The following INTS1 variants were observed in gnomAD, a reference collection of about 807,000 sequenced individuals.
INTS1 encodes the protein integrator complex subunit 1.
INTS1 carries 137 observed loss-of-function variants against 241.6 expected under a neutral mutation model. The observed-to-expected ratio is 0.57, with a 90% CI of 0.49 to 0.65. INTS1 has a LOEUF of 0.65. INTS1 is among the 30% of genes least tolerant of loss of function. The pLI is 0.00. For missense variants in INTS1, 3,073 were observed against 3,032.2 expected, an observed-to-expected ratio of 1.01 and a Z score of -0.32; for synonymous variants, 1,692 against 1,337.8, an observed-to-expected ratio of 1.26 and a Z score of -5.78.
chr7:1,495,739 G>A (rs1395585201), intron 12 of INTS1, among the ~76,000 whole-genome samples, 186 bp from the exon 13 acceptor site: 1 of 152,152 alleles, frequency 6.6e-6, no homozygotes, highest in Non-Finnish European at 1.5e-5. Context: ...GCGTGCGTGG[G>A]TGACTGGAAT....
In INTS1 at chr7:1,496,222, T is replaced by C. The variant is rs1030646527; in HGVS notation, c.1645A>G (p.Met549Val). Residue 549 changes from methionine to valine, a missense_variant, in exon 12 of 48, where the codon ATG becomes GTG. By Grantham distance (21) the Met-to-Val change is conservative. Coordinates refer to ENST00000404767, the MANE Select transcript of INTS1 (RefSeq NM_001080453.3). ...VHITDVLAVS[M>V]MLGITAQVKE... is the part of the protein sequence containing the mutation. ...ACCTGCGCTGTGATGCCCAGCATCA[T>C]GGACACGGCCAGGACGTCGGTGATG... The C allele has an allele frequency of 5.6e-6, 9 of 1,613,866 alleles. No homozygotes were observed. The highest frequency in any genetic ancestry group is 2.2e-5 in the East Asian group (1 of 44,868).
At chr7:1,483,437 G>A (rs1782091800) in intron 26 of INTS1, 1 of 475,896 alleles carries the variant, frequency 2.1e-6, no homozygotes, top group South Asian at 2.1e-5. Context: ...AGGCACCGCA[G>A]GCCTACACGG....
At chr7:1,483,623 G>C (rs1782100946) in intron 26 of INTS1, 119 bp downstream of exon 26, 1 of 770,398 alleles carries the variant, frequency 1.3e-6, no homozygotes, top group African/African-American at 1.7e-5. Context: ...ACACAGGGTT[G>C]AAGGGCTGGG....
At position 1,484,043 on chromosome 7, in the gene INTS1, C is replaced by T. The variant is rs750200152; in HGVS notation, c.3389G>A (p.Arg1130His). 34 of 1,611,572 alleles carry T rather than the reference C, an allele frequency of 2.1e-5. No individual in the cohort carries two copies. Among genetic ancestry groups the T allele is most frequent in the Non-Finnish European group, 2.5e-5 (30 of 1,179,370 alleles). ...CTCGCCCTCCTTGCTCTGCCGCATG[C>T]GCCTCACGTAGCGTGAGAAGATGGA... is the stretch of plus-strand genomic sequence containing the variant. Reference protein sequence around the residue: ...LLSIFSRYVRRMRQSKEGEEV... With the variant: ...LLSIFSRYVRHMRQSKEGEEV... Residue 1130 changes from arginine (R) to histidine (H), a missense_variant, in exon 25 of 48, where the codon CGC becomes CAC. Coordinates refer to ENST00000404767, the MANE Select transcript of INTS1 (RefSeq NM_001080453.3).
chr7:1,484,466 G>A (rs560442952), intron 24 of INTS1, among the ~76,000 whole-genome samples: 28 of 152,322 alleles, frequency 1.8e-4, no homozygotes, highest in African/African-American at 6.0e-4. Flanking sequence ...ATTCCCTGAG[G>A]ACTCGGGCCA....
Position 1,481,426 on chromosome 7 carries a change from A to G in INTS1, c.3766T>C (p.Ser1256Pro). 6.2e-7 allele frequency: 1 copy of G among 1,612,794 alleles called. No individual in the cohort carries two copies. The highest frequency in any genetic ancestry group is 8.5e-7 in the Non-Finnish European group (1 of 1,179,690). The part of the protein sequence containing the change: ...LFVQSFGIPV[S>P]SMSKLLQFLD... ...AACTGGAGGAGTTTGCTCATGCTGG[A>G]CACGGGGATGCCAAACGACTGCACG... is the stretch of plus-strand genomic sequence containing the variant. The change falls in exon 28 of 48, where the codon TCC (serine) becomes CCC (proline). Residue 1256 changes from serine (S) to proline (P), a missense_variant. Transcript: ENST00000404767. The surrounding 1 kb of genome is among the most constrained non-coding windows in gnomAD (Gnocchi z 6.8).
At chr7:1,492,604 G>A (rs1282766801) in intron 16 of INTS1, among the ~76,000 whole-genome samples, 1 of 140,886 alleles carries the variant, frequency 7.1e-6, no homozygotes, top group Admixed American at 7.0e-5. Context: ...ATAAAGCCGT[G>A]AATATATAGA....
rs6969405 is a variant in INTS1, at chr7:1,493,398, G to C, written c.2069-292C>G. Among the ~76,000 whole-genome samples, 1 of 152,100 alleles carries C rather than the reference G, an allele frequency of 6.6e-6. No individual in the cohort carries two copies. Among genetic ancestry groups the C allele is most frequent in the African/African-American group, 2.4e-5 (1 of 41,382 alleles). On this transcript the variant is annotated intron_variant, in intron 15 of 47. Transcript: ENST00000404767. This position sits in a 1 kb window ranked among gnomAD's most constrained non-coding sequence, Gnocchi z 5.3. ...GCAGGGTGGGGACCCGCAAGCCCTC[G>C]GGGCAGAGCCACGGACGAGGCGCGA...
rs1336987439 is a variant in INTS1 at position 1,497,974 on chromosome 7, G to A, written c.1425+438C>T. Among the ~76,000 whole-genome samples the A allele has an allele frequency of 6.6e-6, 1 of 152,260 alleles. No individual in the cohort carries two copies. Among genetic ancestry groups the A allele is most frequent in the Non-Finnish European group, 1.5e-5 (1 of 68,040 alleles). On this transcript the variant is annotated intron_variant, in intron 10 of 47. Coordinates refer to ENST00000404767, the MANE Select transcript of INTS1 (RefSeq NM_001080453.3). The surrounding 1 kb of genome is among the most constrained non-coding windows in gnomAD (Gnocchi z 5.3). Reference sequence around the variant, plus strand: ...CATGCCTGTCATCCCAGCACTTTGGGAGGTTGAGGCAGGAGGATCGCTTGA... The same window carrying A: ...CATGCCTGTCATCCCAGCACTTTGGAAGGTTGAGGCAGGAGGATCGCTTGA...
At chr7:1,471,267 G>GC (rs749925193) in intron 45 of INTS1, 43 bp from the exon 46 acceptor site, 2 of 1,533,498 alleles carry the variant, frequency 1.3e-6, no homozygotes, top group African/African-American at 2.7e-5. Context: ...AAGGGGTCCA[G>GC]CCCCCATCAA....
intron 29 of INTS1, 145 bp downstream of exon 29, chr7:1,480,690 G>T (rs914786369): frequency 1.9e-5 from 14 of 751,712 alleles, no homozygotes; most frequent in Non-Finnish European, 2.8e-5. Context: ...AGTTTCTGTG[G>T]GGGCCCCTCT....
chr7:1,483,473 A>T (rs955371751), intron 26 of INTS1: 9 of 536,552 alleles, frequency 1.7e-5, no homozygotes, highest in Non-Finnish European at 3.1e-5. Context: ...GAGGACTCTG[A>T]CCCCAGGCTG....
intron 16 of INTS1, among the ~76,000 whole-genome samples, chr7:1,491,086 A>T (rs1782525762): frequency 6.6e-6 from 1 of 152,240 alleles, no homozygotes; most frequent in Non-Finnish European, 1.5e-5. Context: ...CAAGTGGATG[A>T]CAGACTCCGG....
At chr7:1,498,943 G>GGGCCCCCCCCCCCCCC in intron 8 of INTS1, 32 bp downstream of exon 8, 12 of 1,070,720 alleles carry the variant, frequency 1.1e-5, no homozygotes, top group Non-Finnish European at 1.4e-5. Flanking sequence ...CCCACCCCCT[G>GGGCCCCCCCCCCCCCC]CCCCGCCCAC....
intron 3 of INTS1, chr7:1,501,159 C>A (rs1264303082): frequency 6.6e-6 from 1 of 152,008 alleles, no homozygotes; most frequent in Non-Finnish European, 1.5e-5. Flanking sequence ...GTGGTGCATG[C>A]CTGTAATCCC....
At chr7:1,472,767 C>A (rs1781530066) in intron 43 of INTS1, among the ~76,000 whole-genome samples, 1 of 136,816 alleles carries the variant, frequency 7.3e-6, no homozygotes, top group Non-Finnish European at 1.6e-5. Flanking sequence ...GGGGAGGCTT[C>A]CTGGGGAGGG....
Position 1,479,666 on chromosome 7 carries a change from C to A in INTS1, c.4093G>T (p.Asp1365Tyr), listed in dbSNP as rs1253108662. Residue 1365 changes from aspartate (D) to tyrosine (Y), a missense_variant, in exon 31 of 48, where the codon GAC becomes TAC. Transcript: ENST00000404767. Reference sequence around the variant, plus strand: ...GGACTGGAGCTCTGCCACCGAGGGTCCGGGCTGAGCGGGAAAATCTGGAAC... The same window carrying A: ...GGACTGGAGCTCTGCCACCGAGGGTACGGGCTGAGCGGGAAAATCTGGAAC... ...MFLQIFPLSP[D>Y]PRWQSSSPRP... The A allele has an allele frequency of 6.8e-7, 1 of 1,472,682 alleles. No homozygotes were observed. Among genetic ancestry groups the A allele is most frequent in the Non-Finnish European group, 9.0e-7 (1 of 1,110,724 alleles). The allele number at this position is 1,472,682 out of a possible 1,614,324, so 91.2% of individuals were successfully genotyped here.
rs746073887 is a variant in INTS1, at chr7:1,474,123, G to GAGGGAGTGGA, written c.5829+35_5829+44dup. On this transcript the variant is annotated intron_variant, in intron 41 of 47. Coordinates refer to ENST00000404767, the MANE Select transcript of INTS1 (RefSeq NM_001080453.3). ...GGTGAGGCAGGCCTGGGCCAGAGCA[G>GAGGGAGTGGA]AGGGAGTGGAAGGGAGCGCGAGGGC... 10 of 1,523,100 alleles carry GAGGGAGTGGA rather than the reference G, an allele frequency of 6.6e-6. No homozygotes were observed. The Admixed American group carries it at 1.9e-4, about 29-fold the overall frequency. 94.3% of individuals were successfully genotyped at this position (1,523,100 alleles called of 1,614,324 possible).
intron 16 of INTS1, among the ~76,000 whole-genome samples, chr7:1,490,837 G>C (rs962418292): frequency 2.6e-5 from 4 of 152,252 alleles, no homozygotes; most frequent in African/African-American, 9.6e-5. Flanking sequence ...TATAGAGGAT[G>C]GACACATAGA....
Sources: gnomAD v4.1 joint callset for allele counts (sites outside exome capture counted in the v4.1 genomes callset) on GRCh38, gnomAD v4.1.1 for gene constraint, Gnocchi (gnomAD v3.1) non-coding constraint, MANE v1.5 for transcripts, NCBI Gene and HGNC (gene_info 2026-07-23, HGNC 2026-07-21) for gene names.